The following TENM4 variants were observed in gnomAD, a reference collection of about 807,000 sequenced individuals.
The protein encoded by TENM4 is teneurin transmembrane protein 4.
In TENM4, 82 loss-of-function variants were observed where a neutral mutation model predicts 243.3. The ratio of observed to expected loss-of-function variants is 0.34; its 90% CI spans 0.28 to 0.40. The LOEUF is 0.40. TENM4 is among the 10% of genes least tolerant of loss of function. The pLI is 1.00. For synonymous variants in TENM4, 1,412 were observed against 1,456.3 expected (o/e 0.97, Z 0.69); for missense variants, 3,138 against 3,673.3 (o/e 0.85, Z 3.77).
chr11:78,752,684 A>G (rs1856217493), intron 19 of TENM4, among the ~76,000 whole-genome samples: 1 of 152,214 alleles, frequency 6.6e-6, no homozygotes, highest in South Asian at 2.1e-4. Flanking sequence ...CCTCCCCATC[A>G]GAAATTCCAC....
intron 1 of TENM4, among the ~76,000 whole-genome samples, chr11:79,358,650 C>G (rs1212423482): frequency 6.6e-6 from 1 of 151,134 alleles, no homozygotes; most frequent in African/African-American, 2.4e-5. Flanking sequence ...CTCCTGCCTG[C>G]CTTCCTTCTT....
At chr11:78,918,249 C>G (rs1415584807) in intron 6 of TENM4, among the ~76,000 whole-genome samples, 1 of 152,146 alleles carries the variant, frequency 6.6e-6, no homozygotes, top group East Asian at 1.9e-4. Flanking sequence ...CCCTCCTACT[C>G]CTTCTCTTAC....
chr11:78,770,980 C>G lies in TENM4; in HGVS notation c.2539+12G>C. On this transcript the variant is annotated intron_variant, in intron 18 of 33. Transcript: ENST00000278550. The stretch of plus-strand genomic sequence containing the variant: ...TGGAGCCGCCTGGAGCCCATGGGTG[C>G]CAGAGCCCTACCTCCATCATTGTCT... The G allele has an allele frequency of 6.3e-7, 1 of 1,576,474 alleles. No homozygotes were observed. Among genetic ancestry groups the G allele is most frequent in the South Asian group, 1.2e-5 (1 of 85,462 alleles).
chr11:78,889,101 G>A (rs181570545), intron 9 of TENM4, among the ~76,000 whole-genome samples: 2 of 152,224 alleles, frequency 1.3e-5, no homozygotes, highest in East Asian at 1.9e-4. Flanking sequence ...GGCAGAGGTC[G>A]GGAGGAGCTC....
chr11:78,903,438 G>A lies in TENM4; in HGVS notation c.579C>T (p.His193=). Residue 193 remains histidine (H), a synonymous_variant, in exon 7 of 34, where the codon CAC becomes CAT. Transcript: ENST00000278550. ...GGTTCAGGGAGTTAATGGAGGCCGC[G>A]TGGTGCTGGTTGGGGGTGTGGGCGT... The part of the protein sequence containing the change: ...LSHAHTPNQH[H]AASINSLNRG... 3 of 1,548,216 alleles carry A rather than the reference G, an allele frequency of 1.9e-6. No homozygotes were observed. Among genetic ancestry groups the A allele is most frequent in the South Asian group, 1.2e-5 (1 of 83,886 alleles).
At chr11:79,126,111 G>T (rs1245960759) in intron 4 of TENM4, among the ~76,000 whole-genome samples, 2 of 152,154 alleles carry the variant, frequency 1.3e-5, no homozygotes, top group East Asian at 1.9e-4. Context: ...TAGTTTATTT[G>T]CTTGGTTAGC....
intron 3 of TENM4, among the ~76,000 whole-genome samples, chr11:79,160,950 T>C (rs1265535582): frequency 1.3e-5 from 2 of 152,182 alleles, no homozygotes; most frequent in African/African-American, 4.8e-5. Flanking sequence ...AACTTTTTGC[T>C]TGCAGTTTTA....
At chr11:79,233,944 G>A (rs1189504147) in intron 2 of TENM4, among the ~76,000 whole-genome samples, 1 of 152,180 alleles carries the variant, frequency 6.6e-6, no homozygotes, top group East Asian at 1.9e-4. Context: ...GGCTGTGTGA[G>A]GGGAAGCATG....
chr11:78,819,844 C>G (rs1857688281), intron 12 of TENM4, among the ~76,000 whole-genome samples: 1 of 152,182 alleles, frequency 6.6e-6, no homozygotes, highest in Non-Finnish European at 1.5e-5. Flanking sequence ...TTGTCAGGAA[C>G]TCTTTGGGAA....
chr11:79,103,513 C>G (rs542369225), intron 4 of TENM4, among the ~76,000 whole-genome samples: 1 of 152,216 alleles, frequency 6.6e-6, no homozygotes, highest in African/African-American at 2.4e-5. Context: ...TTCCACTTCC[C>G]AAGGTCCGTC....
At chr11:78,661,729 C>T in intron 32 of TENM4, 138 bp from the exon 33 acceptor site, 3 of 1,113,568 alleles carry the variant, frequency 2.7e-6, no homozygotes, top group African/African-American at 1.5e-5. Flanking sequence ...TCAACTGCTA[C>T]ATACACTTTT....
intron 4 of TENM4, among the ~76,000 whole-genome samples, chr11:79,102,865 AT>A (rs928909769): frequency 3.3e-5 from 5 of 151,996 alleles, no homozygotes; most frequent in African/African-American, 9.7e-5. Flanking sequence ...GTTCTTATGG[AT>A]TTTTTTTAAG....
intron 9 of TENM4, among the ~76,000 whole-genome samples, chr11:78,887,383 T>A (rs1855570231): frequency 6.6e-6 from 1 of 152,248 alleles, no homozygotes; most frequent in South Asian, 2.1e-4. Context: ...TCCCACAGCC[T>A]CTGAGCTCTG....
At chr11:79,269,092 G>T (rs1855926854) in intron 2 of TENM4, among the ~76,000 whole-genome samples, 1 of 152,222 alleles carries the variant, frequency 6.6e-6, no homozygotes, top group Non-Finnish European at 1.5e-5. Flanking sequence ...TCCCTTAGGA[G>T]CAAAGGTTCC....
chr11:78,688,576 C>A (rs565966699), intron 28 of TENM4, among the ~76,000 whole-genome samples: 15 of 152,246 alleles, frequency 9.9e-5, no homozygotes, highest in African/African-American at 1.9e-4. Context: ...ACAGCTGACC[C>A]AGAATCTTAG....
chr11:79,127,669 A>G (rs1459006188), intron 4 of TENM4, among the ~76,000 whole-genome samples: 1 of 152,204 alleles, frequency 6.6e-6, no homozygotes, highest in African/African-American at 2.4e-5. Context: ...TTTTTGCTTC[A>G]GCAGGATATC....
At chr11:78,969,006 A>G (rs1320966944) in intron 6 of TENM4, among the ~76,000 whole-genome samples, 1 of 152,152 alleles carries the variant, frequency 6.6e-6, no homozygotes, top group African/African-American at 2.4e-5. Flanking sequence ...TCTTAGTGTT[A>G]ATTTTCTCCT....
intron 6 of TENM4, among the ~76,000 whole-genome samples, chr11:78,922,149 C>T (rs1028683261): frequency 6.6e-6 from 1 of 152,190 alleles, no homozygotes; most frequent in Non-Finnish European, 1.5e-5. Flanking sequence ...AGGCGCTCTG[C>T]AGAACATTTC....
intron 2 of TENM4, among the ~76,000 whole-genome samples, chr11:79,283,199 A>ATC (rs1020513110): frequency 3.6e-5 from 5 of 138,734 alleles, no homozygotes; most frequent in African/African-American, 1.5e-4. Flanking sequence ...AGACAAAGAC[A>ATC]TCACACACAC....
Sources: allele counts gnomAD v4.1 joint callset (sites outside exome capture counted in the v4.1 genomes callset), GRCh38; gene constraint gnomAD v4.1.1; transcripts MANE v1.5; gene names NCBI Gene and HGNC (gene_info 2026-07-23, HGNC 2026-07-21).